Variants in CAMK2D observed in about 807,000 individuals in gnomAD.
CAMK2D encodes the protein calcium/calmodulin-dependent protein kinase type II subunit delta.
Under a neutral mutation model 84.0 loss-of-function variants are expected in CAMK2D, and 37 were observed. The observed-to-expected ratio is 0.44, with a 90% CI of 0.34 to 0.58. The LOEUF (loss-of-function observed/expected upper bound fraction) is 0.58. CAMK2D is among the 20% of genes least tolerant of loss of function. CAMK2D has a pLI of 0.02. For missense variants in CAMK2D, 448 were observed against 652.5 expected (o/e 0.69, Z 3.41); for synonymous variants, 202 against 212.5 (o/e 0.95, Z 0.43).
At chr4:113,696,407 A>G (rs1029936077) in intron 2 of CAMK2D, among the ~76,000 whole-genome samples, 1 of 152,106 alleles carries the variant, frequency 6.6e-6, no homozygotes, top group Non-Finnish European at 1.5e-5. Context: ...TCTAACACAT[A>G]TAACAATCAA....
At chr4:113,709,753 A>ATATATATATATATATATATGTATGTG (rs2099484294) in intron 2 of CAMK2D, among the ~76,000 whole-genome samples, 2 of 92,352 alleles carry the variant, frequency 2.2e-5, no homozygotes, top group African/African-American at 9.6e-5. Flanking sequence ...AACGATATAT[A>ATATATATATATATATATATGTATGTG]TATATATATA....
intron 4 of CAMK2D, among the ~76,000 whole-genome samples, chr4:113,569,728 C>G (rs944221070): frequency 6.6e-6 from 1 of 152,150 alleles, no homozygotes; most frequent in Admixed American, 6.5e-5. Context: ...ATTCTACCCT[C>G]TTAAGAATAA....
At chr4:113,519,264 C>A (rs2098326709) in intron 8 of CAMK2D, among the ~76,000 whole-genome samples, 1 of 152,108 alleles carries the variant, frequency 6.6e-6, no homozygotes, top group Non-Finnish European at 1.5e-5. Flanking sequence ...GAAATAGTGG[C>A]TCAACTGAGA....
At chr4:113,758,692 C>T (rs937053277) in intron 2 of CAMK2D, among the ~76,000 whole-genome samples, 2 of 152,090 alleles carry the variant, frequency 1.3e-5, no homozygotes, top group Non-Finnish European at 2.9e-5. Flanking sequence ...AGCTATTTTA[C>T]GAGTATGAAT....
intron 13 of CAMK2D, among the ~76,000 whole-genome samples, chr4:113,506,890 T>A (rs565967189): frequency 6.7e-6 from 1 of 148,674 alleles, no homozygotes; most frequent in East Asian, 1.9e-4. Context: ...AGTGCACATG[T>A]TCCCCCCCCC....
At chr4:113,508,313 A>T in intron 13 of CAMK2D, 1 of 1,385,782 alleles carries the variant, frequency 7.2e-7, no homozygotes, top group Non-Finnish European at 1.0e-6. Context: ...AAAAAATATG[A>T]CCGGTTGAAT....
At chr4:113,495,979 G>A (rs1013297919) in intron 16 of CAMK2D, among the ~76,000 whole-genome samples, 1 of 152,182 alleles carries the variant, frequency 6.6e-6, no homozygotes, top group Admixed American at 6.5e-5. Flanking sequence ...ATATGGACAT[G>A]TACCCATCAG....
At chr4:113,518,267 G>T (rs1219789807) in intron 8 of CAMK2D, among the ~76,000 whole-genome samples, 7 of 152,022 alleles carry the variant, frequency 4.6e-5, no homozygotes, top group African/African-American at 1.7e-4. Flanking sequence ...TATATTATGG[G>T]AGAGGAAAAA....
At chr4:113,668,859 T>C (rs2099268249) in intron 2 of CAMK2D, among the ~76,000 whole-genome samples, 1 of 152,198 alleles carries the variant, frequency 6.6e-6, no homozygotes, top group East Asian at 1.9e-4. Flanking sequence ...ATCTATAAAC[T>C]TACTATATTC....
At chr4:113,755,525 G>T (rs971187519) in intron 2 of CAMK2D, among the ~76,000 whole-genome samples, 1 of 151,806 alleles carries the variant, frequency 6.6e-6, no homozygotes, top group African/African-American at 2.4e-5. Flanking sequence ...TAGTCAAATG[G>T]TTTCTAACGA....
chr4:113,646,808 CGAG>C (rs2099153873), intron 3 of CAMK2D, among the ~76,000 whole-genome samples: 2 of 152,136 alleles, frequency 1.3e-5, no homozygotes, highest in East Asian at 3.8e-4. Context: ...GATTAGTTTC[CGAG>C]GAGAGGAAAG....
At chr4:113,497,230 T>C (rs936907967) in intron 16 of CAMK2D, among the ~76,000 whole-genome samples, 1 of 152,004 alleles carries the variant, frequency 6.6e-6, no homozygotes, top group Non-Finnish European at 1.5e-5. Context: ...AAGATTCATA[T>C]AAAGGGTAGG....
At chr4:113,541,716 ATTTC>A (rs1341288638) in intron 6 of CAMK2D, among the ~76,000 whole-genome samples, 1 of 152,168 alleles carries the variant, frequency 6.6e-6, no homozygotes. Context: ...GTCTTTTAAA[ATTTC>A]TTTCCTCTAT....
chr4:113,650,441 T>C (rs1384960321), intron 3 of CAMK2D, among the ~76,000 whole-genome samples: 8 of 146,066 alleles, frequency 5.5e-5, no homozygotes, highest in East Asian at 2.1e-4. Flanking sequence ...AGCTTGAACC[T>C]GGGAGGCAGA....
Position 113,552,022 on chromosome 4 carries a change from G to A in CAMK2D, c.341+9C>T. The A allele has an allele frequency of 7.4e-6, 11 of 1,487,366 alleles. No individual in the cohort carries two copies. Among genetic ancestry groups the A allele is most frequent in the Non-Finnish European group, 1.0e-5 (11 of 1,075,864 alleles). 92.1% of individuals were successfully genotyped at this position (1,487,366 alleles called of 1,614,324 possible). On this transcript the variant is annotated intron_variant, in intron 5 of 20. Coordinates refer to ENST00000511664, the MANE Select transcript of CAMK2D (RefSeq NM_001321571.2). ...GAGTCTTGTATCTTGCCCAGGGCAAGTCACTTACCTGGCATCAGCTTCACT... is the reference window on the plus strand; with the variant it reads ...GAGTCTTGTATCTTGCCCAGGGCAAATCACTTACCTGGCATCAGCTTCACT...
At chr4:113,532,275 T>A (rs1456089432) in intron 7 of CAMK2D, among the ~76,000 whole-genome samples, 1 of 152,202 alleles carries the variant, frequency 6.6e-6, no homozygotes, top group Non-Finnish European at 1.5e-5. Context: ...TTGCACTTAA[T>A]CTTTTTTCTT....
intron 6 of CAMK2D, 52 bp from the exon 7 acceptor site, chr4:113,537,495 G>T: frequency 9.0e-7 from 1 of 1,109,426 alleles, no homozygotes; most frequent in Non-Finnish European, 1.4e-6. Context: ...TATTTTAAGC[G>T]ACTATTCAAA....
At position 113,667,462 on chromosome 4, in the gene CAMK2D, G is replaced by A. The variant is rs7699801; in HGVS notation, c.161-5690C>T. ...ATGCACTTTTTAGTGCATGGATTCCGGAGCACTATAATGTAGCTACTCAGA... is the reference window on the plus strand; with the variant it reads ...ATGCACTTTTTAGTGCATGGATTCCAGAGCACTATAATGTAGCTACTCAGA... On this transcript the variant is annotated intron_variant, in intron 2 of 20. Coordinates refer to ENST00000511664, the MANE Select transcript of CAMK2D (RefSeq NM_001321571.2). Among the ~76,000 whole-genome samples, 1,214 of 152,278 alleles carry A rather than the reference G, an allele frequency of 8.0e-3. 10 individuals are homozygous for A. The highest frequency in any genetic ancestry group is 0.028 in the African/African-American group (1,158 of 41,544).
intron 8 of CAMK2D, 63 bp from the exon 9 acceptor site, chr4:113,517,720 C>T: frequency 1.3e-6 from 1 of 776,184 alleles, no homozygotes; most frequent in South Asian, 1.5e-5. Context: ...TTAAATGTGG[C>T]TGATCCACAA....
Sources: gnomAD v4.1 joint callset for allele counts (sites outside exome capture counted in the v4.1 genomes callset) on GRCh38, gnomAD v4.1.1 for gene constraint, MANE v1.5 for transcripts, NCBI Gene and HGNC (gene_info 2026-07-23, HGNC 2026-07-21) for gene names.